The following ADAMTSL1 variants were observed in gnomAD, a reference collection of about 807,000 sequenced individuals.
The protein encoded by ADAMTSL1 is ADAMTS like 1.
ADAMTSL1 carries 126 observed loss-of-function variants against 201.8 expected under a neutral mutation model. The observed-to-expected ratio is 0.62, with a 90% CI of 0.54 to 0.72. The LOEUF (loss-of-function observed/expected upper bound fraction) is 0.72. ADAMTSL1 is among the 30% of genes least tolerant of loss of function. ADAMTSL1 has a pLI of 0.00. For synonymous variants in ADAMTSL1, 1,121 were observed against 903.4 expected, an observed-to-expected ratio of 1.24 and a Z score of -4.32; for missense variants, 2,679 against 2,277.8, an observed-to-expected ratio of 1.18 and a Z score of -3.59.
At chr9:18,110,375 A>C (rs1242028954) in intron 1 of ADAMTSL1, among the ~76,000 whole-genome samples, 1 of 152,166 alleles carries the variant, frequency 6.6e-6, no homozygotes, top group East Asian at 1.9e-4. Flanking sequence ...GCAGGTAGGG[A>C]AAGTGCAAGA....
chr9:18,266,668 G>T (rs757633578), intron 2 of ADAMTSL1, among the ~76,000 whole-genome samples: 1 of 152,100 alleles, frequency 6.6e-6, no homozygotes, highest in African/African-American at 2.4e-5. Context: ...GGATGGCGTG[G>T]TTCCATGGTC....
At chr9:18,710,661 GTTTTGTTTTGTT>G (rs1453582376) in intron 14 of ADAMTSL1, among the ~76,000 whole-genome samples, 1 of 79,644 alleles carries the variant, frequency 1.3e-5, no homozygotes, top group Non-Finnish European at 2.5e-5. Context: ...AAGGGCCTAA[GTTTTGTTTTGTT>G]TTTTTTTTTT....
intron 20 of ADAMTSL1, among the ~76,000 whole-genome samples, chr9:18,797,780 A>C (rs1822522266): frequency 6.6e-6 from 1 of 152,204 alleles, no homozygotes; most frequent in African/African-American, 2.4e-5. Context: ...GTAAGATTGC[A>C]CGTGTGAAAA....
At chr9:18,485,786 C>G (rs1417279443) in intron 1 of ADAMTSL1, among the ~76,000 whole-genome samples, 1 of 152,154 alleles carries the variant, frequency 6.6e-6, no homozygotes, top group Non-Finnish European at 1.5e-5. Flanking sequence ...TGCAGGCCAC[C>G]CCCAGAAGCT....
chr9:18,521,060 G>A (rs1435215532), intron 2 of ADAMTSL1, among the ~76,000 whole-genome samples: 1 of 152,078 alleles, frequency 6.6e-6, no homozygotes, highest in Non-Finnish European at 1.5e-5. Context: ...CATTTTAGTG[G>A]CTTTGTTCAA....
intron 23 of ADAMTSL1, among the ~76,000 whole-genome samples, chr9:18,862,831 G>C (rs1031986118): frequency 1.3e-5 from 2 of 152,130 alleles, no homozygotes. Context: ...CAGCCTGAGG[G>C]TAGAGTCAAC....
chr9:18,439,457 C>A (rs1444741808), intron 2 of ADAMTSL1, among the ~76,000 whole-genome samples: 1 of 152,186 alleles, frequency 6.6e-6, no homozygotes, highest in Non-Finnish European at 1.5e-5. Context: ...ATCTCTACCT[C>A]CCTGGTTCAA....
intron 1 of ADAMTSL1, among the ~76,000 whole-genome samples, chr9:18,140,408 G>C (rs978393375): frequency 6.6e-6 from 1 of 152,142 alleles, no homozygotes; most frequent in African/African-American, 2.4e-5. Context: ...GCAGAGACCA[G>C]GAGCAAGCAT....
At chr9:18,872,314 G>C (rs927128189) in intron 23 of ADAMTSL1, among the ~76,000 whole-genome samples, 3 of 152,092 alleles carry the variant, frequency 2.0e-5, no homozygotes, top group Admixed American at 6.6e-5. Flanking sequence ...GAAGAGGTTG[G>C]GATTATTAGA....
Position 18,005,772 on chromosome 9 carries a change from G to C in ADAMTSL1, c.87+98850G>C, listed in dbSNP as rs188643940. 5.0e-4 allele frequency among the ~76,000 whole-genome samples: 76 copies of C among 152,052 alleles called. 1 individual carries two copies. Among genetic ancestry groups the C allele is most frequent in the East Asian group, 2.7e-3 (14 of 5,118 alleles). On this transcript the variant is annotated intron_variant, in intron 1 of 29. Coordinates refer to the ADAMTSL1 transcript ENST00000680146. ...AGTCTTTAGTTTCTTTGGATCTTTG[G>C]CACATCACCTAGCCTTTAGGTGAGT...
At chr9:18,495,358 A>G (rs142216815) in intron 1 of ADAMTSL1, among the ~76,000 whole-genome samples, 110 of 152,320 alleles carry the variant, frequency 7.2e-4, no homozygotes, top group African/African-American at 2.5e-3. Context: ...GAGACTAATC[A>G]CTGCTTATGG....
chr9:18,063,370 A>C (rs371589845), intron 1 of ADAMTSL1, among the ~76,000 whole-genome samples: 2 of 152,212 alleles, frequency 1.3e-5, no homozygotes, highest in South Asian at 4.1e-4. Flanking sequence ...TAAAAGGTTC[A>C]TGTGTATAGC....
At chr9:18,395,461 G>C (rs1817716685) in intron 2 of ADAMTSL1, among the ~76,000 whole-genome samples, 1 of 152,170 alleles carries the variant, frequency 6.6e-6, no homozygotes, top group East Asian at 1.9e-4. Flanking sequence ...TTTAGAGACA[G>C]GACTGGTAGA....
At chr9:17,948,554 A>C (rs1035892474) in intron 1 of ADAMTSL1, among the ~76,000 whole-genome samples, 1 of 152,170 alleles carries the variant, frequency 6.6e-6, no homozygotes, top group Non-Finnish European at 1.5e-5. Context: ...GCCTCAGTGG[A>C]GTCAAGATAG....
chr9:18,794,907 G>T (rs1356488857), intron 19 of ADAMTSL1, among the ~76,000 whole-genome samples: 1 of 152,208 alleles, frequency 6.6e-6, no homozygotes, highest in African/African-American at 2.4e-5. Context: ...CTCCCAAAGT[G>T]CTGGGATTAT....
chr9:18,268,548 G>T (rs1832229481), intron 2 of ADAMTSL1, among the ~76,000 whole-genome samples: 1 of 152,092 alleles, frequency 6.6e-6, no homozygotes, highest in Non-Finnish European at 1.5e-5. Flanking sequence ...CATCCTCTCT[G>T]GGCTGACAAT....
chr9:18,027,507 G>A lies in ADAMTSL1; in HGVS notation c.87+120585G>A, dbSNP rs554294795. ...TTCAGGATCAAGTTGTTTAGTTTCC[G>A]TGTAATTGTGTGGTTTTGAGAGATT... On this transcript the variant is annotated intron_variant, in intron 1 of 29. Transcript: ENST00000680146. Among the ~76,000 whole-genome samples the A allele has an allele frequency of 5.3e-5, 8 of 151,334 alleles. No homozygotes were observed. The South Asian group carries it at 1.0e-3, about 20-fold the overall frequency.
At chr9:18,372,486 T>G (rs1231368112) in intron 2 of ADAMTSL1, among the ~76,000 whole-genome samples, 2 of 152,240 alleles carry the variant, frequency 1.3e-5, no homozygotes, top group Non-Finnish European at 2.9e-5. Flanking sequence ...GATCAAAAAC[T>G]AAGGGAGAAG....
chr9:18,475,739 T>G (rs1286342789), intron 1 of ADAMTSL1, among the ~76,000 whole-genome samples: 1 of 152,074 alleles, frequency 6.6e-6, no homozygotes, highest in Non-Finnish European at 1.5e-5. Context: ...TGTCTCATCT[T>G]TCCTTCTTTG....
Sources: allele counts gnomAD v4.1 joint callset (sites outside exome capture counted in the v4.1 genomes callset), GRCh38; gene constraint gnomAD v4.1.1; transcripts MANE v1.5; gene names NCBI Gene and HGNC (gene_info 2026-07-23, HGNC 2026-07-21).